CD226: variants seen among roughly 807,000 people sequenced by gnomAD.
CD226 encodes the protein CD226 molecule, also known as CD226 antigen.
In CD226, 24 loss-of-function variants were observed where a neutral mutation model predicts 34.9. That is an observed-to-expected ratio of 0.69 (90% CI 0.50 to 0.97). The LOEUF (loss-of-function observed/expected upper bound fraction) is 0.97. CD226 is among the 50% of genes least tolerant of loss of function. The probability of loss-of-function intolerance (pLI) is 0.00; values close to 1 mark genes in which losing one functional copy is unlikely to be tolerated. For synonymous variants in CD226, 148 were observed against 147.4 expected (o/e 1.00, Z -0.03); for missense variants, 397 against 412.7 (o/e 0.96, Z 0.33).
At chr18:69,878,207 T>A (rs1230820231) in intron 3 of CD226, among the ~76,000 whole-genome samples, 3 of 152,170 alleles carry the variant, frequency 2.0e-5, no homozygotes, top group Non-Finnish European at 4.4e-5. Flanking sequence ...CAGAAGCCAT[T>A]TTTTTGCTAA....
chr18:69,961,289 C>T (rs1489877449), upstream of CD226, among the ~76,000 whole-genome samples: 1 of 152,118 alleles, frequency 6.6e-6, no homozygotes, highest in Non-Finnish European at 1.5e-5. Flanking sequence ...GGAGGTATGT[C>T]CTATGCTCCT....
intron 3 of CD226, among the ~76,000 whole-genome samples, chr18:69,883,711 A>G (rs1446188759): frequency 6.6e-6 from 1 of 152,258 alleles, no homozygotes; most frequent in Non-Finnish European, 1.5e-5. Context: ...GGCCTATTGT[A>G]TATGCAAACT....
intron 3 of CD226, among the ~76,000 whole-genome samples, chr18:69,879,393 A>G (rs1297862575): frequency 6.6e-6 from 1 of 152,052 alleles, no homozygotes; most frequent in Non-Finnish European, 1.5e-5. Context: ...TCCCCCCAGG[A>G]AAGCATTCTT....
At chr18:69,874,471 A>G (rs1200561411) in intron 3 of CD226, among the ~76,000 whole-genome samples, 5 of 152,188 alleles carry the variant, frequency 3.3e-5, no homozygotes, top group Non-Finnish European at 7.4e-5. Context: ...TCTTCGGGAA[A>G]GCGAACCTGT....
intron 3 of CD226, among the ~76,000 whole-genome samples, chr18:69,889,353 C>T (rs1361320893): frequency 2.6e-5 from 4 of 152,032 alleles, no homozygotes; most frequent in Non-Finnish European, 5.9e-5. Flanking sequence ...TGAGGTTCAC[C>T]ACACAATGTC....
chr18:69,894,607 G>A (rs1186227840), intron 3 of CD226, among the ~76,000 whole-genome samples: 8 of 73,332 alleles, frequency 1.1e-4, no homozygotes, highest in African/African-American at 4.7e-4. Flanking sequence ...GGAGGGGGAA[G>A]GTAGGGGAGG....
At chr18:69,938,938 T>C (rs2055688839) in intron 2 of CD226, among the ~76,000 whole-genome samples, 1 of 152,038 alleles carries the variant, frequency 6.6e-6, no homozygotes, top group Non-Finnish European at 1.5e-5. Context: ...ATACAAAAAT[T>C]AGCTGGGTGT....
At chr18:69,931,829 T>C (rs990818972) in intron 2 of CD226, among the ~76,000 whole-genome samples, 4 of 152,238 alleles carry the variant, frequency 2.6e-5, no homozygotes, top group East Asian at 1.9e-4. Flanking sequence ...GTCTGACTTA[T>C]TCCCATCACC....
intron 2 of CD226, among the ~76,000 whole-genome samples, chr18:69,900,756 AT>A (rs1555680748): frequency 6.6e-6 from 1 of 150,692 alleles, no homozygotes; most frequent in Non-Finnish European, 1.5e-5. Context: ...AAAAAAAAAA[AT>A]TTCTAATAAA....
At chr18:69,916,096 G>A (rs774348124) in intron 2 of CD226, among the ~76,000 whole-genome samples, 9 of 152,182 alleles carry the variant, frequency 5.9e-5, no homozygotes, top group East Asian at 1.9e-4. Flanking sequence ...TAATTTACTC[G>A]CAGGTTTAAA....
intron 3 of CD226, among the ~76,000 whole-genome samples, chr18:69,878,019 T>C (rs896577765): frequency 2.0e-5 from 3 of 152,172 alleles, no homozygotes; most frequent in Admixed American, 2.0e-4. Context: ...GGGCCCTGTA[T>C]GGCTGGGGAA....
At chr18:69,958,949 G>T (rs2055916948), upstream of CD226, among the ~76,000 whole-genome samples, 1 of 152,074 alleles carries the variant, frequency 6.6e-6, no homozygotes, top group Non-Finnish European at 1.5e-5. Context: ...TCTCTGTAGA[G>T]GTTTATCCTC....
chr18:69,945,937 G>A (rs1398014547), intron 2 of CD226, among the ~76,000 whole-genome samples: 1 of 152,052 alleles, frequency 6.6e-6, no homozygotes, highest in Non-Finnish European at 1.5e-5. Flanking sequence ...CAGATCTCAT[G>A]AGACTTATGC....
chr18:69,877,837 C>G (rs1424803061), intron 3 of CD226, among the ~76,000 whole-genome samples: 2 of 152,024 alleles, frequency 1.3e-5, no homozygotes, highest in Non-Finnish European at 2.9e-5. Context: ...AGGATTTTTT[C>G]TTAAGAAATA....
rs879517717 is a variant in CD226 at position 69,897,670 on chromosome 18, AG to A, written c.383-1626del. On this transcript the variant is annotated intron_variant, in intron 2 of 5. Transcript: ENST00000582621. The stretch of plus-strand genomic sequence containing the variant: ...AAGGAGGGAAGGAGAAAAAGAAGAG[AG>A]AAAAAGAAAAAAGGAGGGAGGAAGA... 3.9e-5 allele frequency among the ~76,000 whole-genome samples: 6 copies of A among 152,294 alleles called. No homozygotes were observed. The South Asian group carries it at 6.2e-4, about 16-fold the overall frequency.
At chr18:69,948,189 G>C (rs1001024737), upstream of CD226, among the ~76,000 whole-genome samples, 1 of 152,162 alleles carries the variant, frequency 6.6e-6, no homozygotes, top group African/African-American at 2.4e-5. Context: ...CATAATTATA[G>C]TACAATATCA....
At chr18:69,889,487 TAAA>T (rs11452379) in intron 3 of CD226, among the ~76,000 whole-genome samples, 29,143 of 147,390 alleles carry the variant, frequency 0.2, 3,544 homozygotes, top group African/African-American at 0.35. Context: ...ATGGAATCCT[TAAA>T]AAAAAAAAAA....
intron 4 of CD226, among the ~76,000 whole-genome samples, chr18:69,869,429 C>A (rs1040992996): frequency 2.0e-5 from 3 of 152,144 alleles, no homozygotes; most frequent in Non-Finnish European, 4.4e-5. Context: ...CACATGTTCT[C>A]ACCTATAAGT....
chr18:69,900,702 G>T (rs1408733371), intron 2 of CD226, among the ~76,000 whole-genome samples: 1 of 143,982 alleles, frequency 6.9e-6, no homozygotes, highest in East Asian at 2.0e-4. Context: ...ACTGCAGTCC[G>T]CAGTCCGGCC....
Sources: gnomAD v4.1 joint callset for allele counts (sites outside exome capture counted in the v4.1 genomes callset) on GRCh38, gnomAD v4.1.1 for gene constraint, MANE v1.5 for transcripts, NCBI Gene and HGNC (gene_info 2026-07-23, HGNC 2026-07-21) for gene names.